CERKL: variants seen among roughly 807,000 people sequenced by gnomAD.
CERKL encodes ceramide kinase-like protein.
Under a neutral mutation model 63.4 loss-of-function variants are expected in CERKL, and 61 were observed. That is an observed-to-expected ratio of 0.96 (90% CI 0.78 to 1.19). CERKL has a LOEUF of 1.19. Ranked by LOEUF, CERKL falls within the 50% of genes most tolerant of loss-of-function variation. The pLI is 0.00. For synonymous variants in CERKL, 250 were observed against 230.5 expected (o/e 1.08, Z -0.77); for missense variants, 675 against 655.5 (o/e 1.03, Z -0.33).
chr2:181,599,257 C>T (rs1685356896), intron 2 of CERKL, among the ~76,000 whole-genome samples: 1 of 151,956 alleles, frequency 6.6e-6, no homozygotes, highest in African/African-American at 2.4e-5. Flanking sequence ...GGAAGCAGGC[C>T]AGGCATGGTG....
At chr2:181,654,533 G>A (rs993588021) in intron 1 of CERKL, among the ~76,000 whole-genome samples, 1 of 152,110 alleles carries the variant, frequency 6.6e-6, no homozygotes, top group Non-Finnish European at 1.5e-5. Context: ...ATAATCTCCA[G>A]TGATCTCCCC....
rs1162883846 is a variant in CERKL at position 181,604,053 on chromosome 2, T to G, written c.265A>C (p.Lys89Gln). 6.2e-7 allele frequency: 1 copy of G among 1,604,122 alleles called. No homozygotes were observed. The highest frequency in any genetic ancestry group is 1.7e-5 in the Admixed American group (1 of 59,936). Residue 89 changes from lysine to glutamine, a missense_variant, in exon 2 of 13, where the codon AAA becomes CAA. Coordinates refer to ENST00000410087, the MANE Select transcript of CERKL (RefSeq NM_201548.5). ...TCTTTGAGTTCAATAAATTCTTCTTTACATAGCAAGTCATACTTAGAATCA... is the reference window on the plus strand; with the variant it reads ...TCTTTGAGTTCAATAAATTCTTCTTGACATAGCAAGTCATACTTAGAATCA... ...AGDSKYDLLCKEEFIELKDIF... is the reference protein window; with the variant it reads ...AGDSKYDLLCQEEFIELKDIF...
intron 1 of CERKL, among the ~76,000 whole-genome samples, chr2:181,611,011 T>G (rs1574496765): frequency 6.6e-6 from 1 of 151,752 alleles, no homozygotes; most frequent in Non-Finnish European, 1.5e-5. Context: ...GATCACAGGG[T>G]CAGGAGTTTG....
At chr2:181,613,160 T>G (rs1191863276) in intron 1 of CERKL, among the ~76,000 whole-genome samples, 2 of 152,218 alleles carry the variant, frequency 1.3e-5, no homozygotes, top group African/African-American at 2.4e-5. Context: ...ATCATCCCCT[T>G]GCTTCCCCTC....
chr2:181,559,562 T>C (rs1331149041), intron 4 of CERKL, among the ~76,000 whole-genome samples: 1 of 152,182 alleles, frequency 6.6e-6, no homozygotes, highest in Non-Finnish European at 1.5e-5. Flanking sequence ...TTCTTTGCTG[T>C]GGCCCACTCA....
intron 1 of CERKL, among the ~76,000 whole-genome samples, chr2:181,626,317 T>C (rs945404931): frequency 6.6e-6 from 1 of 151,732 alleles, no homozygotes; most frequent in African/African-American, 2.4e-5. Context: ...TGAATAATGA[T>C]ATTTGCTTGA....
chr2:181,643,256 TA>T (rs1316819270), intron 1 of CERKL, among the ~76,000 whole-genome samples: 1 of 152,212 alleles, frequency 6.6e-6, no homozygotes, highest in East Asian at 1.9e-4. Context: ...CAATATAATA[TA>T]AGCCCTTCAT....
chr2:181,588,800 T>C (rs1684869092), intron 2 of CERKL, among the ~76,000 whole-genome samples: 1 of 152,224 alleles, frequency 6.6e-6, no homozygotes, highest in South Asian at 2.1e-4. Flanking sequence ...TGAGGCGATA[T>C]CTCACTGTGG....
At chr2:181,591,110 T>C (rs1347548415) in intron 2 of CERKL, among the ~76,000 whole-genome samples, 1 of 152,178 alleles carries the variant, frequency 6.6e-6, no homozygotes, top group South Asian at 2.1e-4. Flanking sequence ...TATGGAGTGA[T>C]TTCCAGTATA....
chr2:181,560,694 C>T (rs1478967448), intron 4 of CERKL, among the ~76,000 whole-genome samples: 1 of 151,936 alleles, frequency 6.6e-6, no homozygotes, highest in Non-Finnish European at 1.5e-5. Context: ...AGTAATAGAA[C>T]AGGGATTTGA....
At chr2:181,549,541 C>A in intron 6 of CERKL, 93 bp downstream of exon 6, 3 of 1,005,852 alleles carry the variant, frequency 3.0e-6, no homozygotes, top group Non-Finnish European at 4.7e-6. Flanking sequence ...AAAGAACCTG[C>A]CTTTTCTTAA....
intron 1 of CERKL, among the ~76,000 whole-genome samples, chr2:181,630,047 T>A (rs541324472): frequency 2.0e-5 from 3 of 152,090 alleles, no homozygotes; most frequent in Admixed American, 1.3e-4. Context: ...TTTTTTTTCT[T>A]TGAGACAAGT....
intron 3 of CERKL, among the ~76,000 whole-genome samples, chr2:181,567,557 T>C (rs1410035746): frequency 1.1e-5 from 1 of 87,594 alleles, no homozygotes; most frequent in African/African-American, 5.7e-5. Flanking sequence ...AAATAGCAAT[T>C]TTTTAAGTAA....
rs751155027 is a variant in CERKL, at chr2:181,548,530, T to G, written c.1133+15A>C. ...AAGATACAGGTTATCTGTATTACAT[T>G]GAGTTTTTACCTACCTTTCTTGCAC... is the stretch of plus-strand genomic sequence containing the variant. On this transcript the variant is annotated intron_variant, in intron 8 of 12. Transcript: ENST00000410087. 1.9e-6 allele frequency: 3 copies of G among 1,565,386 alleles called. No individual in the cohort carries two copies. The highest frequency in any genetic ancestry group is 2.6e-6 in the Non-Finnish European group (3 of 1,137,018).
At chr2:181,647,339 G>A (rs1161536002) in intron 1 of CERKL, among the ~76,000 whole-genome samples, 1 of 152,144 alleles carries the variant, frequency 6.6e-6, no homozygotes, top group East Asian at 1.9e-4. Flanking sequence ...TAGAAGAAAA[G>A]CTGGAAAATC....
intron 1 of CERKL, among the ~76,000 whole-genome samples, chr2:181,609,237 C>G (rs1685850920): frequency 6.8e-6 from 1 of 147,144 alleles, no homozygotes; most frequent in East Asian, 2.0e-4. Context: ...GGTATATCTC[C>G]CAATGCTATC....
At chr2:181,575,058 C>T (rs557004678) in intron 2 of CERKL, among the ~76,000 whole-genome samples, 25 of 152,276 alleles carry the variant, frequency 1.6e-4, no homozygotes, top group African/African-American at 5.8e-4. Flanking sequence ...TTCCTTTTTC[C>T]TTGCCACCTT....
intron 2 of CERKL, among the ~76,000 whole-genome samples, chr2:181,579,986 G>C (rs1684430210): frequency 6.6e-6 from 1 of 151,732 alleles, no homozygotes; most frequent in Non-Finnish European, 1.5e-5. Context: ...GTTTTATAAT[G>C]ACTTAATAGT....
chr2:181,610,593 T>A (rs565841415), intron 1 of CERKL, among the ~76,000 whole-genome samples: 1 of 152,196 alleles, frequency 6.6e-6, no homozygotes, highest in African/African-American at 2.4e-5. Context: ...TGGAAAGACA[T>A]TCATGCTAAG....
Sources: gnomAD v4.1 joint callset for allele counts (sites outside exome capture counted in the v4.1 genomes callset) on GRCh38, gnomAD v4.1.1 for gene constraint, MANE v1.5 for transcripts, NCBI Gene and HGNC (gene_info 2026-07-23, HGNC 2026-07-21) for gene names.